Variants in ACER3 observed in about 807,000 individuals in gnomAD.
ACER3 encodes the protein alkCDase 3.
Under a neutral mutation model 48.9 loss-of-function variants are expected in ACER3, and 16 were observed. The observed-to-expected ratio is 0.33, with a 90% CI of 0.22 to 0.50. The LOEUF (loss-of-function observed/expected upper bound fraction) is 0.50. ACER3 is among the 20% of genes least tolerant of loss of function. ACER3 has a pLI of 0.98. For missense variants in ACER3, 227 were observed against 326.0 expected, an observed-to-expected ratio of 0.70 and a Z score of 2.34; for synonymous variants, 109 against 107.8, an observed-to-expected ratio of 1.01 and a Z score of -0.07.
chr11:76,940,876 T>C (rs1340645045), intron 2 of ACER3, among the ~76,000 whole-genome samples: 3 of 152,168 alleles, frequency 2.0e-5, no homozygotes, highest in African/African-American at 4.8e-5. Context: ...GAATGTTCGA[T>C]GGATAAGTGA....
chr11:77,015,578 C>G (rs1555023155), intron 8 of ACER3, among the ~76,000 whole-genome samples: 2 of 152,154 alleles, frequency 1.3e-5, no homozygotes, highest in African/African-American at 4.8e-5. Flanking sequence ...AGACTTAGGT[C>G]TCTGGATTCT....
chr11:76,971,086 G>A (rs12807735), intron 3 of ACER3, among the ~76,000 whole-genome samples: 86,894 of 152,096 alleles, frequency 0.57, 28,019 homozygotes, highest in Non-Finnish European at 0.74. Context: ...GTATGGATAT[G>A]CCATATTCTT....
intron 1 of ACER3, among the ~76,000 whole-genome samples, chr11:76,878,444 TA>T (rs1329562507): frequency 6.6e-6 from 1 of 152,134 alleles, no homozygotes; most frequent in Non-Finnish European, 1.5e-5. Context: ...TGAAAAAAGT[TA>T]AATCTTTATT....
At chr11:76,968,952 T>C (rs943673466) in intron 3 of ACER3, among the ~76,000 whole-genome samples, 1 of 152,128 alleles carries the variant, frequency 6.6e-6, no homozygotes, top group African/African-American at 2.4e-5. Flanking sequence ...TGGGATCTAA[T>C]TAAACTGAAG....
intron 1 of ACER3, among the ~76,000 whole-genome samples, chr11:76,873,771 G>C (rs1402081988): frequency 2.0e-5 from 3 of 152,054 alleles, no homozygotes; most frequent in African/African-American, 7.3e-5. Flanking sequence ...AAGTGGAACA[G>C]TAATTGTGGT....
chr11:77,005,016 G>T (rs947597349), intron 7 of ACER3, among the ~76,000 whole-genome samples: 13 of 149,284 alleles, frequency 8.7e-5, no homozygotes, highest in Admixed American at 2.7e-4. Context: ...TTTCCTGCCT[G>T]TGAGTTACTT....
At chr11:77,011,015 G>A (rs995886229) in intron 7 of ACER3, among the ~76,000 whole-genome samples, 5 of 152,204 alleles carry the variant, frequency 3.3e-5, no homozygotes, top group African/African-American at 1.2e-4. Flanking sequence ...CAAAAAGGAC[G>A]AGTGCGTGGG....
chr11:76,922,485 A>G (rs185428170), intron 1 of ACER3, among the ~76,000 whole-genome samples: 1 of 152,156 alleles, frequency 6.6e-6, no homozygotes, highest in Non-Finnish European at 1.5e-5. Context: ...GTTTGGATAT[A>G]TAACTCTCAA....
chr11:76,926,375 A>G (rs142780725), intron 1 of ACER3, among the ~76,000 whole-genome samples, 182 bp from the exon 2 acceptor site: 2 of 152,192 alleles, frequency 1.3e-5, no homozygotes, highest in East Asian at 3.9e-4. Context: ...TCTTTATTTT[A>G]TTTGGATTAT....
intron 1 of ACER3, among the ~76,000 whole-genome samples, chr11:76,881,354 G>T (rs185315708): frequency 6.7e-6 from 1 of 149,882 alleles, no homozygotes; most frequent in African/African-American, 2.4e-5. Context: ...TATATGGTTT[G>T]GTTTGGGTCT....
intron 1 of ACER3, among the ~76,000 whole-genome samples, chr11:76,876,778 C>T (rs1945394602): frequency 6.6e-6 from 1 of 152,134 alleles, no homozygotes. Flanking sequence ...ATTTTTAACT[C>T]TTGTCTTCTT....
rs782818886 is a variant in ACER3 at position 77,020,242 on chromosome 11, T to C, written c.751-32T>C. On this transcript the variant is annotated intron_variant, in intron 10 of 10. Coordinates refer to ENST00000532485, the MANE Select transcript of ACER3 (RefSeq NM_018367.7). ...GGATAACATGGAACAATTCTGTCTT[T>C]TCTCATTTTGTCCTAATTTGTCCCC... The C allele has an allele frequency of 5.0e-6, 8 of 1,607,826 alleles. No individual in the cohort carries two copies. In the Admixed American group the frequency reaches 5.0e-5, roughly 10 times the overall value.
intron 1 of ACER3, among the ~76,000 whole-genome samples, chr11:76,900,252 T>C (rs574283120): frequency 1.2e-3 from 186 of 152,164 alleles, no homozygotes; most frequent in Non-Finnish European, 1.8e-3. Context: ...TCATTTCACA[T>C]TGAGTAAGCT....
At chr11:76,913,976 TG>T (rs1248427609) in intron 1 of ACER3, among the ~76,000 whole-genome samples, 5 of 152,318 alleles carry the variant, frequency 3.3e-5, no homozygotes, top group African/African-American at 1.2e-4. Flanking sequence ...TAAATGGTGC[TG>T]GGGAAACTGG....
intron 1 of ACER3, among the ~76,000 whole-genome samples, chr11:76,904,841 A>ATG (rs3047842): frequency 0.24 from 34,777 of 147,354 alleles, 4,647 homozygotes; most frequent in African/African-American, 0.39. Flanking sequence ...TTCTCTATGT[A>ATG]TGTGTGTGTG....
chr11:76,873,755 T>G (rs1288303896), intron 1 of ACER3, among the ~76,000 whole-genome samples: 1 of 152,116 alleles, frequency 6.6e-6, no homozygotes, highest in Non-Finnish European at 1.5e-5. Flanking sequence ...ATTGATTTTT[T>G]TTTTTAAGTG....
chr11:76,929,004 A>T (rs572465896), intron 2 of ACER3, among the ~76,000 whole-genome samples: 4 of 152,248 alleles, frequency 2.6e-5, no homozygotes, highest in South Asian at 4.1e-4. Flanking sequence ...GAAGAAAGTC[A>T]TTGGTAGCTT....
At chr11:76,909,918 C>T (rs1346070099) in intron 1 of ACER3, among the ~76,000 whole-genome samples, 1 of 152,168 alleles carries the variant, frequency 6.6e-6, no homozygotes, top group Non-Finnish European at 1.5e-5. Context: ...GACATATATA[C>T]ACCATGGAAT....
chr11:76,919,707 G>A (rs1946637399), intron 1 of ACER3, among the ~76,000 whole-genome samples: 1 of 152,048 alleles, frequency 6.6e-6, no homozygotes, highest in South Asian at 2.1e-4. Flanking sequence ...CTTAGTAGAA[G>A]TAATTTTATT....
Sources: gnomAD v4.1 joint callset for allele counts (sites outside exome capture counted in the v4.1 genomes callset) on GRCh38, gnomAD v4.1.1 for gene constraint, MANE v1.5 for transcripts, NCBI Gene and HGNC (gene_info 2026-07-23, HGNC 2026-07-21) for gene names.